MOB3B: variants seen among roughly 807,000 people sequenced by gnomAD.
The protein encoded by MOB3B is MOB kinase activator 3B, also known as MOB kinase activator-like 2B.
Under a neutral mutation model 18.7 loss-of-function variants are expected in MOB3B, and 7 were observed. The ratio of observed to expected loss-of-function variants is 0.37; its 90% CI spans 0.21 to 0.70. MOB3B has a LOEUF of 0.70. Among genes scored for constraint, MOB3B ranks in the 30% least tolerant of loss-of-function variants. The pLI is 0.52. For missense variants in MOB3B, 253 were observed against 281.3 expected, an observed-to-expected ratio of 0.90 and a Z score of 0.72; for synonymous variants, 111 against 99.9, an observed-to-expected ratio of 1.11 and a Z score of -0.66.
chr9:27,513,256 A>G (rs1395969218), intron 1 of MOB3B, among the ~76,000 whole-genome samples: 1 of 152,024 alleles, frequency 6.6e-6, no homozygotes, highest in African/African-American at 2.4e-5. Context: ...TACCAGTCTT[A>G]TTTTTTCCAT....
Position 27,346,814 on chromosome 9 carries a change from G to T in MOB3B, c.621+12220C>A, listed in dbSNP as rs1203699871. Among the ~76,000 whole-genome samples the T allele has an allele frequency of 6.6e-5, 10 of 152,068 alleles. No individual in the cohort carries two copies. In the East Asian group the frequency reaches 1.9e-3, roughly 29 times the overall value. ...GTTCAAGACCAGCCTGGCCAACATG[G>T]TGAAACCCTGTCTCTACTAAAAATA... On this transcript the variant is annotated intron_variant, in intron 3 of 3. Coordinates refer to ENST00000262244, the MANE Select transcript of MOB3B (RefSeq NM_024761.5).
intron 1 of MOB3B, among the ~76,000 whole-genome samples, chr9:27,478,652 A>G (rs181100248): frequency 2.0e-5 from 3 of 152,308 alleles, no homozygotes; most frequent in African/African-American, 4.8e-5. Context: ...CAGAGAGTAA[A>G]TTGGGGAAAT....
At chr9:27,398,775 T>C (rs547728409) in intron 2 of MOB3B, among the ~76,000 whole-genome samples, 1 of 152,194 alleles carries the variant, frequency 6.6e-6, no homozygotes, top group Admixed American at 6.5e-5. Flanking sequence ...TCAAATACTG[T>C]GATACCTTTT....
chr9:27,456,531 C>A (rs1373849618), intron 1 of MOB3B, among the ~76,000 whole-genome samples: 1 of 152,216 alleles, frequency 6.6e-6, no homozygotes, highest in East Asian at 1.9e-4. Context: ...CCTAGCTATG[C>A]TTCATGCCTT....
intron 2 of MOB3B, among the ~76,000 whole-genome samples, chr9:27,439,541 C>G (rs562588247): frequency 4.6e-5 from 7 of 152,186 alleles, no homozygotes; most frequent in Non-Finnish European, 8.8e-5. Context: ...AGTCAAATTC[C>G]AAGTATTCAA....
In MOB3B at chr9:27,405,863, A is replaced by G. The variant is rs200728351; in HGVS notation, c.419-46627T>C. Reference sequence around the variant, plus strand: ...TCAACTGATGCCAGAAAAGCGTTCAATGAAATTCAACATTGATTCATGATA... The same window carrying G: ...TCAACTGATGCCAGAAAAGCGTTCAGTGAAATTCAACATTGATTCATGATA... On this transcript the variant is annotated intron_variant, in intron 2 of 3. Transcript: ENST00000262244. Among the ~76,000 whole-genome samples the G allele has an allele frequency of 7.9e-5, 12 of 152,356 alleles. No homozygotes were observed. The East Asian group carries it at 1.7e-3, about 22-fold the overall frequency.
At chr9:27,475,800 CA>C (rs1197905730) in intron 1 of MOB3B, among the ~76,000 whole-genome samples, 3 of 152,170 alleles carry the variant, frequency 2.0e-5, no homozygotes, top group African/African-American at 7.2e-5. Context: ...CAACACATCC[CA>C]AACTCCTCAC....
chr9:27,399,821 T>A (rs1190350004), intron 2 of MOB3B, among the ~76,000 whole-genome samples: 2 of 152,220 alleles, frequency 1.3e-5, no homozygotes, highest in South Asian at 2.1e-4. Flanking sequence ...AGATCGTATC[T>A]TCCTACACGT....
intron 2 of MOB3B, among the ~76,000 whole-genome samples, chr9:27,385,780 CA>C (rs1821643100): frequency 6.6e-6 from 1 of 152,240 alleles, no homozygotes; most frequent in African/African-American, 2.4e-5. Context: ...TCAAGCAGTG[CA>C]AGCACTGGCC....
intron 1 of MOB3B, among the ~76,000 whole-genome samples, chr9:27,475,513 G>C (rs2131471356): frequency 6.6e-6 from 1 of 152,334 alleles, no homozygotes. Flanking sequence ...TTGATAACTA[G>C]TATAATCAAG....
At chr9:27,515,304 G>A (rs187925494) in intron 1 of MOB3B, among the ~76,000 whole-genome samples, 1 of 152,214 alleles carries the variant, frequency 6.6e-6, no homozygotes, top group Non-Finnish European at 1.5e-5. Flanking sequence ...GGCTATTAAT[G>A]CATAAATACA....
At chr9:27,477,135 G>A (rs1055962690) in intron 1 of MOB3B, among the ~76,000 whole-genome samples, 1 of 152,172 alleles carries the variant, frequency 6.6e-6, no homozygotes, top group African/African-American at 2.4e-5. Context: ...CTCCTCTGCA[G>A]CCATCTTGGA....
chr9:27,431,004 A>T (rs1822409317), intron 2 of MOB3B, among the ~76,000 whole-genome samples: 1 of 152,068 alleles, frequency 6.6e-6, no homozygotes, highest in South Asian at 2.1e-4. Flanking sequence ...GGCCAATGCT[A>T]ATTTAGACAT....
chr9:27,343,442 C>G (rs1820983553), intron 3 of MOB3B, among the ~76,000 whole-genome samples: 1 of 146,860 alleles, frequency 6.8e-6, no homozygotes, highest in African/African-American at 2.6e-5. Context: ...CCAAATCCCC[C>G]TCTCCGAGAA....
At chr9:27,350,463 A>T (rs931215756) in intron 3 of MOB3B, among the ~76,000 whole-genome samples, 4 of 152,184 alleles carry the variant, frequency 2.6e-5, no homozygotes, top group African/African-American at 9.7e-5. Context: ...ATCAGACCAC[A>T]TCTCATCTCT....
intron 2 of MOB3B, among the ~76,000 whole-genome samples, chr9:27,450,892 G>C (rs953203223): frequency 1.6e-4 from 24 of 152,170 alleles, no homozygotes; most frequent in African/African-American, 5.8e-4. Flanking sequence ...CAGGCACAGG[G>C]CTTGGTATTT....
At chr9:27,359,387 G>GC in intron 2 of MOB3B, 151 bp from the exon 3 acceptor site, 3 of 614,622 alleles carry the variant, frequency 4.9e-6, no homozygotes, top group South Asian at 2.0e-5. Context: ...GTGGGGGGGG[G>GC]GGGTTGGTAG....
chr9:27,340,069 G>T lies in MOB3B; in HGVS notation c.622-9453C>A, dbSNP rs575154861. 5.3e-5 allele frequency among the ~76,000 whole-genome samples: 8 copies of T among 152,308 alleles called. No homozygotes were observed. In the South Asian group the frequency reaches 1.7e-3, roughly 32 times the overall value. ...AATGTGGGTGGCAAATAAGCCAAAC[G>T]AAATAAAAATAGAAACAAGGCAGGC... On this transcript the variant is annotated intron_variant, in intron 3 of 3. Coordinates refer to ENST00000262244, the MANE Select transcript of MOB3B (RefSeq NM_024761.5).
At chr9:27,415,418 C>CTT (rs61328557) in intron 2 of MOB3B, among the ~76,000 whole-genome samples, 24 of 147,960 alleles carry the variant, frequency 1.6e-4, no homozygotes, top group Admixed American at 3.4e-4. Context: ...GAACTATGTA[C>CTT]TTTTTTTTTT....
Sources: gnomAD v4.1 joint callset for allele counts (sites outside exome capture counted in the v4.1 genomes callset) on GRCh38, gnomAD v4.1.1 for gene constraint, MANE v1.5 for transcripts, NCBI Gene and HGNC (gene_info 2026-07-23, HGNC 2026-07-21) for gene names.